The following KCNQ1 variants were observed in gnomAD, a reference collection of about 807,000 sequenced individuals.
The protein encoded by KCNQ1 is potassium voltage-gated channel subfamily KQT member 1.
A neutral mutation model predicts 72.4 loss-of-function variants in KCNQ1; 49 were observed. The ratio of observed to expected loss-of-function variants is 0.68; its 90% CI spans 0.54 to 0.86. KCNQ1 has a LOEUF of 0.86. Ranked by LOEUF, KCNQ1 falls within the 40% of genes least tolerant of loss-of-function variation. KCNQ1 has a pLI of 0.00. For missense variants in KCNQ1, 790 were observed against 945.1 expected, an observed-to-expected ratio of 0.84 and a Z score of 2.15; for synonymous variants, 450 against 412.6, an observed-to-expected ratio of 1.09 and a Z score of -1.10.
intron 2 of KCNQ1, among the ~76,000 whole-genome samples, chr11:2,542,060 C>T (rs2133679218): frequency 6.6e-6 from 1 of 152,324 alleles, no homozygotes; most frequent in African/African-American, 2.4e-5. Flanking sequence ...GAAAGACTCC[C>T]AGACCTTGCT....
In KCNQ1 at chr11:2,711,000, A is replaced by G. The variant is rs1850992717; in HGVS notation, c.1514+48919A>G. Among the ~76,000 whole-genome samples the G allele has an allele frequency of 6.6e-6, 1 of 152,172 alleles. No individual in the cohort carries two copies. The highest frequency in any genetic ancestry group is 1.5e-5 in the Non-Finnish European group (1 of 68,036). On this transcript the variant is annotated intron_variant, in intron 11 of 15. Coordinates refer to ENST00000155840, the MANE Select transcript of KCNQ1 (RefSeq NM_000218.3). The surrounding 1 kb of genome is among the most constrained non-coding windows in gnomAD (Gnocchi z 4.1). ...TATGAATTTTACAATCAGCTTGTCA[A>G]TTTCTGCAAAGAAACCATCTGGGAT...
chr11:2,506,157 A>G (rs989584377), intron 1 of KCNQ1, among the ~76,000 whole-genome samples: 3 of 152,242 alleles, frequency 2.0e-5, no homozygotes. Flanking sequence ...CCTCAAATCC[A>G]AAGTCTTTCT....
At chr11:2,801,185 G>A (rs1361326061) in intron 15 of KCNQ1, among the ~76,000 whole-genome samples, 2 of 152,154 alleles carry the variant, frequency 1.3e-5, no homozygotes, top group African/African-American at 4.8e-5. Context: ...CCCCCTAGAG[G>A]CTCCCCAGTT....
At chr11:2,637,479 T>C (rs1849492019) in intron 10 of KCNQ1, 1 of 152,266 alleles carries the variant, frequency 6.6e-6, no homozygotes, top group South Asian at 2.1e-4. Context: ...TCAGTTTCCA[T>C]GTCGTTGAGC....
At chr11:2,581,772 C>T (rs1453511144) in intron 6 of KCNQ1, among the ~76,000 whole-genome samples, 1 of 152,274 alleles carries the variant, frequency 6.6e-6, no homozygotes, top group African/African-American at 2.4e-5. Context: ...CCCATCTCTG[C>T]ATGGGGCACG....
In KCNQ1 at chr11:2,482,307, A is replaced by G. The variant is rs193163329; in HGVS notation, c.386+36823A>G. Among the ~76,000 whole-genome samples, 34 of 152,318 alleles carry G rather than the reference A, an allele frequency of 2.2e-4. No homozygotes were observed. In the East Asian group the frequency reaches 6.2e-3, roughly 28 times the overall value. On this transcript the variant is annotated intron_variant, in intron 1 of 15. Coordinates refer to ENST00000155840, the MANE Select transcript of KCNQ1 (RefSeq NM_000218.3). The surrounding 1 kb of genome is among the most constrained non-coding windows in gnomAD (Gnocchi z 5.7). ...TTTGTATCTTCTTACCTTTTGACAC[A>G]TGGCAGACATGTCTCACATCTGTTC... is the stretch of plus-strand genomic sequence containing the variant.
chr11:2,570,798 A>T, intron 3 of KCNQ1, 44 bp downstream of exon 3: 1 of 1,603,840 alleles, frequency 6.2e-7, no homozygotes, highest in Non-Finnish European at 8.5e-7. Context: ...AGGTTTCCAG[A>T]CCAGGAAGGA....
chr11:2,544,366 A>ATG lies in KCNQ1; in HGVS notation c.477+16352_477+16353dup, dbSNP rs373455705. Among the ~76,000 whole-genome samples, 2 of 145,126 alleles carry ATG rather than the reference A, an allele frequency of 1.4e-5. No individual in the cohort carries two copies. Among genetic ancestry groups the ATG allele is most frequent in the African/African-American group, 5.1e-5 (2 of 38,866 alleles). On this transcript the variant is annotated intron_variant, in intron 2 of 15. Coordinates refer to ENST00000155840, the MANE Select transcript of KCNQ1 (RefSeq NM_000218.3). The surrounding 1 kb of genome is among the most constrained non-coding windows in gnomAD (Gnocchi z 4.4). ...TATATGTATATATATGTGTATATAT[A>ATG]TGTGTATATATATGTGTGCATATAT...
Position 2,612,530 on chromosome 11 carries a change from G to A in KCNQ1, c.1393+23676G>A, listed in dbSNP as rs150619900. On this transcript the variant is annotated intron_variant, in intron 10 of 15. Transcript: ENST00000155840. This position sits in a 1 kb window ranked among gnomAD's most constrained non-coding sequence, Gnocchi z 5.5. The stretch of plus-strand genomic sequence containing the variant: ...TCTGCCAGGTCAAATTTGCTTAGCC[G>A]CACTAGTGAGTTTTTCACCTAAGTT... The A allele has an allele frequency of 9.8e-5, 39 of 398,510 alleles. No individual in the cohort carries two copies. The highest frequency in any genetic ancestry group is 6.3e-4 in the Middle Eastern group (1 of 1,588). 24.7% of individuals were successfully genotyped at this position (398,510 alleles called of 1,614,324 possible).
Position 2,756,441 on chromosome 11 carries a change from TAAA to T in KCNQ1, c.1515-12388_1515-12386del, listed in dbSNP as rs59499292. 6.0e-3 allele frequency among the ~76,000 whole-genome samples: 820 copies of T among 137,292 alleles called. 8 individuals carry two copies. Among genetic ancestry groups the T allele is most frequent in the African/African-American group, 0.019 (730 of 37,928 alleles). The allele number at this position is 137,292 out of a possible 152,430, so 90.1% of individuals were successfully genotyped here. ...CTTATCAAGTTTAAATTACTAAAAT[TAAA>T]AAAAAAAAAAAAAACATGACTTTTG... On this transcript the variant is annotated intron_variant, in intron 11 of 15. Transcript: ENST00000155840.
Position 2,478,590 on chromosome 11 carries a change from C to A in KCNQ1, c.386+33106C>A, listed in dbSNP as rs1341851144. On this transcript the variant is annotated intron_variant, in intron 1 of 15. Transcript: ENST00000155840. The surrounding 1 kb of genome is among the most constrained non-coding windows in gnomAD (Gnocchi z 4.0). Reference sequence around the variant, plus strand: ...CATGAGAACAGCATGGAGGAAACCACCCCCATGATTCAATTATCTCCCACG... The same window carrying A: ...CATGAGAACAGCATGGAGGAAACCAACCCCATGATTCAATTATCTCCCACG... Among the ~76,000 whole-genome samples, 1 of 152,142 alleles carries A rather than the reference C, an allele frequency of 6.6e-6. No individual in the cohort carries two copies. Among genetic ancestry groups the A allele is most frequent in the East Asian group, 1.9e-4 (1 of 5,192 alleles).
rs1347731503 is a variant in KCNQ1 at position 2,562,276 on chromosome 11, G to A, written c.478-8352G>A. ...CCAGCTGTGCCCAGCACGTCACTGG[G>A]GGCCCACAAGCTCTCAGCACAGGCT... is the stretch of plus-strand genomic sequence containing the variant. On this transcript the variant is annotated intron_variant, in intron 2 of 15. Coordinates refer to ENST00000155840, the MANE Select transcript of KCNQ1 (RefSeq NM_000218.3). The surrounding 1 kb of genome is among the most constrained non-coding windows in gnomAD (Gnocchi z 7.5). Among the ~76,000 whole-genome samples, 1 of 152,156 alleles carries A rather than the reference G, an allele frequency of 6.6e-6. No homozygotes were observed. The highest frequency in any genetic ancestry group is 1.9e-4 in the East Asian group (1 of 5,184).
At chr11:2,459,780 C>T (rs538665032) in intron 1 of KCNQ1, among the ~76,000 whole-genome samples, 2 of 152,076 alleles carry the variant, frequency 1.3e-5, no homozygotes. Context: ...TGAATGGAGT[C>T]GTGAAATCAG....
In KCNQ1 at chr11:2,468,575, C is replaced by T. The variant is rs1846388768; in HGVS notation, c.386+23091C>T. 6.6e-6 allele frequency among the ~76,000 whole-genome samples: 1 copy of T among 152,230 alleles called. No homozygotes were observed. Reference sequence around the variant, plus strand: ...AGAGTGGGCACACCCATCACCCTCACAGCGTCCCCCTGTCCCCACGACCAG... The same window carrying T: ...AGAGTGGGCACACCCATCACCCTCATAGCGTCCCCCTGTCCCCACGACCAG... On this transcript the variant is annotated intron_variant, in intron 1 of 15. Transcript: ENST00000155840. The surrounding 1 kb of genome is among the most constrained non-coding windows in gnomAD (Gnocchi z 5.7).
intron 11 of KCNQ1, among the ~76,000 whole-genome samples, chr11:2,756,002 T>C (rs1846293000): frequency 6.6e-6 from 1 of 152,192 alleles, no homozygotes; most frequent in African/African-American, 2.4e-5. Flanking sequence ...CACCACTCCA[T>C]TGGCATAAAC....
At chr11:2,585,491 C>T (rs1392666235) in intron 8 of KCNQ1, among the ~76,000 whole-genome samples, 184 bp downstream of exon 8, 2 of 152,250 alleles carry the variant, frequency 1.3e-5, no homozygotes, top group Non-Finnish European at 2.9e-5. Context: ...GGCATTGGAG[C>T]CTGTCTTCCT....
rs371768903 is a variant in KCNQ1 at position 2,462,711 on chromosome 11, C to T, written c.386+17227C>T. ...GAGGGCCAGGACTGAGGGGAGGGGG[C>T]GGTGGAGTGAAGGGGAGGGTGGGCG... On this transcript the variant is annotated intron_variant, in intron 1 of 15. Transcript: ENST00000155840. The surrounding 1 kb of genome is among the most constrained non-coding windows in gnomAD (Gnocchi z 8.2). Among the ~76,000 whole-genome samples the T allele has an allele frequency of 7.3e-6, 1 of 136,548 alleles. No homozygotes were observed. Among genetic ancestry groups the T allele is most frequent in the South Asian group, 2.6e-4 (1 of 3,838 alleles). The allele number at this position is 136,548 out of a possible 152,430, so 89.6% of individuals were successfully genotyped here.
Position 2,445,424 on chromosome 11 carries a change from G to A in KCNQ1, c.326G>A (p.Arg109His). ...PVLARTHVQG[R>H]VYNFLERPTG... ...TTGGCGCGCACCCACGTCCAGGGCC[G>A]CGTCTACAACTTCCTCGAGCGTCCC... Residue 109 changes from arginine (R) to histidine (H), a missense_variant, in exon 1 of 16, where the codon CGC (arginine) becomes CAC (histidine). Physicochemically the swap from Arg to His is conservative, Grantham distance 29. Transcript: ENST00000155840. The A allele has an allele frequency of 6.3e-7, 1 of 1,597,846 alleles. No homozygotes were observed. Among genetic ancestry groups the A allele is most frequent in the Non-Finnish European group, 8.5e-7 (1 of 1,179,714 alleles).
chr11:2,667,875 A>G, intron 11 of KCNQ1: 1 of 398,654 alleles, frequency 2.5e-6, no homozygotes, highest in Non-Finnish European at 4.4e-6. Context: ...ATTAGTACAC[A>G]GGTCTCAAGT....
Sources: allele counts gnomAD v4.1 joint callset (sites outside exome capture counted in the v4.1 genomes callset), GRCh38; gene constraint gnomAD v4.1.1; non-coding constraint Gnocchi (gnomAD v3.1); transcripts MANE v1.5; gene names NCBI Gene and HGNC (gene_info 2026-07-23, HGNC 2026-07-21).